Variants in EXOC4 observed in about 807,000 individuals in gnomAD.
EXOC4 encodes the protein SEC8-like 1.
Under a neutral mutation model 107.2 loss-of-function variants are expected in EXOC4, and 71 were observed. That is an observed-to-expected ratio of 0.66 (90% CI 0.55 to 0.81). The LOEUF (loss-of-function observed/expected upper bound fraction) is 0.81. EXOC4 is among the 30% of genes least tolerant of loss of function. The probability of loss-of-function intolerance (pLI) is 0.00; values close to 1 mark genes in which losing one functional copy is unlikely to be tolerated. For synonymous variants in EXOC4, 456 were observed against 441.2 expected (o/e 1.03, Z -0.42); for missense variants, 1,108 against 1,189.6 (o/e 0.93, Z 1.01).
the EXOC4 span, among the ~76,000 whole-genome samples, chr7:134,080,840 G>A: frequency 5.3e-5 from 8 of 151,930 alleles, no homozygotes; most frequent in Non-Finnish European, 1.0e-4. Flanking sequence ...CAGCTACTTG[G>A]GAAGCTGAGG....
intron 10 of EXOC4, among the ~76,000 whole-genome samples, chr7:133,791,923 C>G (rs1003118455): frequency 2.0e-5 from 3 of 152,088 alleles, no homozygotes; most frequent in Non-Finnish European, 4.4e-5. Flanking sequence ...CACTTTTATT[C>G]TTACGTCTAA....
intron 12 of EXOC4, among the ~76,000 whole-genome samples, chr7:133,896,588 G>A (rs1404134323): frequency 6.6e-6 from 1 of 151,892 alleles, no homozygotes; most frequent in Non-Finnish European, 1.5e-5. Flanking sequence ...TACGGAGGTG[G>A]AGAGAAACAT....
chr7:133,407,841 A>G (rs944122971), intron 7 of EXOC4, among the ~76,000 whole-genome samples: 5 of 152,352 alleles, frequency 3.3e-5, no homozygotes, highest in African/African-American at 1.2e-4. Context: ...TTCTAGATGC[A>G]CACCTGGTGA....
At chr7:133,318,026 A>G (rs1010350372) in intron 5 of EXOC4, among the ~76,000 whole-genome samples, 3 of 152,280 alleles carry the variant, frequency 2.0e-5, no homozygotes, top group African/African-American at 4.8e-5. Context: ...CCATTGTGCT[A>G]TAATCTTTAC....
chr7:133,286,374 G>GA (rs1415885634), intron 2 of EXOC4, among the ~76,000 whole-genome samples: 1 of 152,096 alleles, frequency 6.6e-6, no homozygotes, highest in Non-Finnish European at 1.5e-5. Flanking sequence ...TTTTCCTAAG[G>GA]ATGTTAATTA....
intron 12 of EXOC4, among the ~76,000 whole-genome samples, chr7:133,903,673 A>G (rs1228384110): frequency 6.6e-6 from 1 of 152,222 alleles, no homozygotes; most frequent in Admixed American, 6.5e-5. Context: ...CATATGCATC[A>G]AAACAAGAGA....
rs200481678 is a variant in EXOC4, at chr7:133,679,538, G to GTCCATCCATCCATCCATCCA, written c.1514+49400_1514+49401insATCCATCCATCCATCCATCC. 4.9e-3 allele frequency among the ~76,000 whole-genome samples: 696 copies of GTCCATCCATCCATCCATCCA among 143,134 alleles called. 7 individuals carry two copies. Among genetic ancestry groups the GTCCATCCATCCATCCATCCA allele is most frequent in the African/African-American group, 0.016 (599 of 38,068 alleles). The allele number at this position is 143,134 out of a possible 152,430, so 93.9% of individuals were successfully genotyped here. A position where few individuals can be genotyped will look rare whatever the true frequency, so the allele number is the denominator to read the frequency against. On this transcript the variant is annotated intron_variant, in intron 10 of 17. Transcript: ENST00000253861. ...TTGCTACTGCCCCATCCATCCGTCCGTCCGTCCATCCATCCATCCATCCAT... is the reference window on the plus strand; with the variant it reads ...TTGCTACTGCCCCATCCATCCGTCCGTCCATCCATCCATCCATCCATCCGTCCATCCATCCATCCATCCAT...
chr7:133,529,576 T>C (rs906997370), intron 9 of EXOC4, among the ~76,000 whole-genome samples: 4 of 152,178 alleles, frequency 2.6e-5, no homozygotes, highest in Non-Finnish European at 5.9e-5. Context: ...CAGAAAGATC[T>C]AAAACCCAAT....
intron 7 of EXOC4, among the ~76,000 whole-genome samples, chr7:133,441,948 T>C (rs948085585): frequency 7.9e-5 from 12 of 152,312 alleles, no homozygotes; most frequent in African/African-American, 2.9e-4. Context: ...TTGGGGACAG[T>C]GCATTGCTGC....
chr7:133,816,330 A>C (rs1461882062), intron 10 of EXOC4, among the ~76,000 whole-genome samples: 1 of 152,182 alleles, frequency 6.6e-6, no homozygotes, highest in Non-Finnish European at 1.5e-5. Context: ...AAAAGAATTT[A>C]ATAATAAATT....
At chr7:133,835,019 A>T (rs1797888600) in intron 11 of EXOC4, among the ~76,000 whole-genome samples, 1 of 152,106 alleles carries the variant, frequency 6.6e-6, no homozygotes, top group African/African-American at 2.4e-5. Context: ...TCCATGTAAG[A>T]TGTGACTTGC....
intron 6 of EXOC4, among the ~76,000 whole-genome samples, chr7:133,360,885 C>T (rs973631611): frequency 4.6e-5 from 7 of 151,914 alleles, no homozygotes; most frequent in Non-Finnish European, 8.8e-5. Context: ...AAATATAATA[C>T]CTGTTTTTAA....
At chr7:133,348,181 G>A (rs1479939331) in intron 5 of EXOC4, among the ~76,000 whole-genome samples, 1 of 152,120 alleles carries the variant, frequency 6.6e-6, no homozygotes. Flanking sequence ...ACTAGTCATG[G>A]TTGATTATAT....
chr7:133,855,051 AAATATATCTAAATATATCTAAATATATC>A lies in EXOC4; in HGVS notation c.1734+37508_1734+37535del, dbSNP rs1194304460. ...TATATATCTAAATATATATATATCTAAATATATCTAAATATATCTAAATATATCTAAATATATATAAATATATATATAA... is the reference window on the plus strand; with the variant it reads ...TATATATCTAAATATATATATATCTATAAATATATATAAATATATATATAA... On this transcript the variant is annotated intron_variant, in intron 11 of 17. Coordinates refer to ENST00000253861, the MANE Select transcript of EXOC4 (RefSeq NM_021807.4). Among the ~76,000 whole-genome samples the A allele has an allele frequency of 1.3e-3, 83 of 63,024 alleles. 5 individuals are homozygous for A. Among genetic ancestry groups the A allele is most frequent in the African/African-American group, 9.6e-3 (77 of 8,054 alleles). 41.3% of individuals were successfully genotyped at this position (63,024 alleles called of 152,430 possible).
intron 10 of EXOC4, among the ~76,000 whole-genome samples, chr7:133,771,825 A>G (rs1020522710): frequency 6.6e-6 from 1 of 151,984 alleles, no homozygotes; most frequent in African/African-American, 2.4e-5. Context: ...ATGCAGCAGG[A>G]AAGAATGAGG....
chr7:133,372,851 A>C (rs1796407983), intron 6 of EXOC4, among the ~76,000 whole-genome samples: 1 of 152,134 alleles, frequency 6.6e-6, no homozygotes, highest in South Asian at 2.1e-4. Flanking sequence ...TTAAGTTTTA[A>C]TTTTCTCCGG....
At chr7:133,254,761 G>A (rs572304038) in intron 1 of EXOC4, among the ~76,000 whole-genome samples, 1 of 152,302 alleles carries the variant, frequency 6.6e-6, no homozygotes, top group East Asian at 1.9e-4. Context: ...GACTACGAGA[G>A]AGACATGAAA....
chr7:133,409,727 A>G (rs1797314064), intron 7 of EXOC4, among the ~76,000 whole-genome samples: 1 of 152,010 alleles, frequency 6.6e-6, no homozygotes. Context: ...TGCCCTCGGG[A>G]TCTGGTATTC....
intron 7 of EXOC4, among the ~76,000 whole-genome samples, chr7:133,450,494 T>G (rs1584927213): frequency 6.6e-6 from 1 of 152,178 alleles, no homozygotes; most frequent in Admixed American, 6.5e-5. Flanking sequence ...TTTTCCTCAC[T>G]TTTTCTTTTC....
Sources: gnomAD v4.1 joint callset for allele counts (sites outside exome capture counted in the v4.1 genomes callset) on GRCh38, gnomAD v4.1.1 for gene constraint, MANE v1.5 for transcripts, NCBI Gene and HGNC (gene_info 2026-07-23, HGNC 2026-07-21) for gene names.